C9orf153: variants seen among roughly 807,000 people sequenced by gnomAD.
C9orf153 encodes uncharacterized protein C9orf153.
A neutral mutation model predicts 9.0 loss-of-function variants in C9orf153; 10 were observed. That is an observed-to-expected ratio of 1.11 (90% CI 0.69 to 1.89). C9orf153 has a LOEUF of 1.89. C9orf153 is among the 40% of genes most tolerant of loss of function. The probability of loss-of-function intolerance (pLI) is 0.00; values close to 1 mark genes in which losing one functional copy is unlikely to be tolerated. For synonymous variants in C9orf153, 35 were observed against 37.3 expected, an observed-to-expected ratio of 0.94 and a Z score of 0.23; for missense variants, 108 against 111.0, an observed-to-expected ratio of 0.97 and a Z score of 0.12.
intron 2 of C9orf153, 152 bp downstream of exon 2, chr9:86,229,386 C>T (rs971497767): frequency 2.4e-4 from 131 of 548,776 alleles, no homozygotes; most frequent in Non-Finnish European, 2.2e-5. Context: ...CTACACTTCT[C>T]TGTGACTAAG....
chr9:86,236,412 A>C (rs1824589003), intron 1 of C9orf153, among the ~76,000 whole-genome samples: 2 of 152,010 alleles, frequency 1.3e-5, no homozygotes, highest in African/African-American at 4.8e-5. Context: ...TAGCCAGCTT[A>C]GTGGCGTGCA....
At chr9:86,243,379 G>A (rs188929641) in intron 1 of C9orf153, among the ~76,000 whole-genome samples, 2 of 151,714 alleles carry the variant, frequency 1.3e-5, no homozygotes, top group African/African-American at 4.8e-5. Context: ...CAACTGTGGT[G>A]TAATTTGAAA....
rs1563997503 is a variant in C9orf153, at chr9:86,227,902, T to C, written c.195A>G (p.Ser65=). ...CTCTCACATCAGCGCCCCTGGTGAA[T>C]GACATGACATTCAGGTTTCTAGCAA... ...EVLARNLNVM[S]FTRGADVRGD... is the part of the protein sequence containing the mutation. The change falls in exon 3 of 4, where the codon TCA becomes TCG. Residue 65 remains serine (S), a synonymous_variant. Coordinates refer to ENST00000339137, the MANE Select transcript of C9orf153 (RefSeq NM_001276366.4). 6.2e-7 allele frequency: 1 copy of C among 1,613,768 alleles called. No individual in the cohort carries two copies. Among genetic ancestry groups the C allele is most frequent in the Non-Finnish European group, 8.5e-7 (1 of 1,179,888 alleles).
intron 1 of C9orf153, among the ~76,000 whole-genome samples, 174 bp from the exon 2 acceptor site, chr9:86,229,803 G>A (rs1298578386): frequency 6.6e-6 from 1 of 152,096 alleles, no homozygotes; most frequent in African/African-American, 2.4e-5. Context: ...CTGAAACTGG[G>A]TAATTTATAA....
chr9:86,221,664 G>A lies in C9orf153; in HGVS notation c.*24C>T. ...TATGTCTCCGAATGAAATTGCAGTA[G>A]TGCGCCTCCACTTCGCAAGCCCCTT... On this transcript the variant is annotated 3_prime_UTR_variant, in exon 4 of 4. Transcript: ENST00000339137. The A allele has an allele frequency of 6.5e-7, 1 of 1,547,224 alleles. No homozygotes were observed. Among genetic ancestry groups the A allele is most frequent in the Non-Finnish European group, 8.7e-7 (1 of 1,145,552 alleles).
chr9:86,247,688 A>T (rs1824900410), intron 1 of C9orf153, among the ~76,000 whole-genome samples: 1 of 152,130 alleles, frequency 6.6e-6, no homozygotes, highest in Admixed American at 6.6e-5. Flanking sequence ...TAAATAAATA[A>T]ATAAGAAGAA....
intron 1 of C9orf153, among the ~76,000 whole-genome samples, chr9:86,231,066 C>T (rs1267508639): frequency 6.6e-6 from 1 of 152,110 alleles, no homozygotes; most frequent in Non-Finnish European, 1.5e-5. Flanking sequence ...TCTGGAGAGA[C>T]CATGCAGACT....
At chr9:86,255,506 T>C (rs1825102195) in intron 1 of C9orf153, among the ~76,000 whole-genome samples, 1 of 152,168 alleles carries the variant, frequency 6.6e-6, no homozygotes, top group African/African-American at 2.4e-5. Context: ...TACCATGTAT[T>C]CTTTCTGAAG....
chr9:86,227,787 T>C, intron 3 of C9orf153, 68 bp downstream of exon 3: 1 of 1,531,730 alleles, frequency 6.5e-7, no homozygotes, highest in African/African-American at 1.4e-5. Flanking sequence ...GAGAGTGAGC[T>C]TGCCAGTAAG....
At chr9:86,222,749 G>A (rs1370649759) in intron 3 of C9orf153, among the ~76,000 whole-genome samples, 1 of 152,110 alleles carries the variant, frequency 6.6e-6, no homozygotes, top group Non-Finnish European at 1.5e-5. Context: ...AAAACCAGGA[G>A]CCAACGGGCC....
intron 1 of C9orf153, among the ~76,000 whole-genome samples, chr9:86,246,023 T>G (rs1168364790): frequency 6.6e-6 from 1 of 152,200 alleles, no homozygotes; most frequent in Non-Finnish European, 1.5e-5. Context: ...CTCTCAGTTA[T>G]AAGTCTCCTG....
At chr9:86,252,028 TTTTTGTTTTG>T (rs1043615141) in intron 1 of C9orf153, among the ~76,000 whole-genome samples, 3 of 151,530 alleles carry the variant, frequency 2.0e-5, no homozygotes, top group East Asian at 3.9e-4. Context: ...TATTTGGTCT[TTTTTGTTTTG>T]TTTTGTTTTG....
At chr9:86,249,648 A>T (rs967718633) in intron 1 of C9orf153, among the ~76,000 whole-genome samples, 2 of 151,670 alleles carry the variant, frequency 1.3e-5, no homozygotes, top group African/African-American at 4.9e-5. Flanking sequence ...TCCCGAGTTC[A>T]AGCAATTCTT....
chr9:86,255,536 C>T (rs377460003), intron 1 of C9orf153, among the ~76,000 whole-genome samples: 9 of 152,326 alleles, frequency 5.9e-5, no homozygotes, highest in African/African-American at 2.2e-4. Flanking sequence ...TGTGAGGTTT[C>T]ATCTACATAG....
intron 1 of C9orf153, among the ~76,000 whole-genome samples, chr9:86,241,894 G>T (rs1398864716): frequency 6.6e-6 from 1 of 152,214 alleles, no homozygotes; most frequent in Non-Finnish European, 1.5e-5. Context: ...CCAAAGTCCT[G>T]GGATTACAGG....
intron 1 of C9orf153, among the ~76,000 whole-genome samples, chr9:86,238,281 T>G (rs10117183): frequency 0.27 from 41,441 of 152,018 alleles, 5,907 homozygotes; most frequent in East Asian, 0.42. Flanking sequence ...ATCAATCAAC[T>G]GGATATAATT....
At chr9:86,245,472 T>C (rs1409182200) in intron 1 of C9orf153, among the ~76,000 whole-genome samples, 1 of 152,202 alleles carries the variant, frequency 6.6e-6, no homozygotes, top group African/African-American at 2.4e-5. Flanking sequence ...GCGTGACTAC[T>C]CTAGGACCCT....
At chr9:86,227,547 G>C in intron 3 of C9orf153, 1 of 1,356,768 alleles carries the variant, frequency 7.4e-7, no homozygotes, top group Non-Finnish European at 9.5e-7. Context: ...AAATTACCTG[G>C]GTCAACTAAG....
intron 2 of C9orf153, chr9:86,228,969 C>T (rs1010371064): frequency 1.5e-5 from 4 of 272,358 alleles, no homozygotes; most frequent in African/African-American, 4.6e-5. Flanking sequence ...TTCTCAGTTA[C>T]GCCAACTTCA....
Sources: allele counts gnomAD v4.1 joint callset (sites outside exome capture counted in the v4.1 genomes callset), GRCh38; gene constraint gnomAD v4.1.1; transcripts MANE v1.5; gene names NCBI Gene and HGNC (gene_info 2026-07-23, HGNC 2026-07-21).